VPS53: variants seen among roughly 807,000 people sequenced by gnomAD.
VPS53 encodes vacuolar protein sorting-associated protein 53 homolog.
Under a neutral mutation model 107.0 loss-of-function variants are expected in VPS53, and 70 were observed. That is an observed-to-expected ratio of 0.65 (90% CI 0.54 to 0.80). The LOEUF (loss-of-function observed/expected upper bound fraction) is 0.80. Among genes scored for constraint, VPS53 ranks in the 30% least tolerant of loss-of-function variants. The pLI, the probability that VPS53 is intolerant of heterozygous loss-of-function variation, is 0.00. For synonymous variants in VPS53, 409 were observed against 393.3 expected, an observed-to-expected ratio of 1.04 and a Z score of -0.47; for missense variants, 917 against 1,049.4, an observed-to-expected ratio of 0.87 and a Z score of 1.74.
At chr17:547,289 C>A (rs114240759) in intron 17 of VPS53, among the ~76,000 whole-genome samples, 3 of 152,148 alleles carry the variant, frequency 2.0e-5, no homozygotes, top group Non-Finnish European at 4.4e-5. Flanking sequence ...GTCCAATAGA[C>A]GAATGAATAA....
intron 6 of VPS53, among the ~76,000 whole-genome samples, chr17:654,117 C>G (rs547221525): frequency 2.0e-5 from 3 of 152,152 alleles, no homozygotes; most frequent in Non-Finnish European, 4.4e-5. Flanking sequence ...CTCACTTGAA[C>G]CTGGGAGGCG....
rs1300815816 is a variant in VPS53 at position 512,256 on chromosome 17, C to T, written c.*6872G>A. 1 of 152,236 alleles carries T rather than the reference C, an allele frequency of 6.6e-6. No homozygotes were observed. The highest frequency in any genetic ancestry group is 2.4e-5 in the African/African-American group (1 of 41,454). 9.4% of individuals were successfully genotyped at this position (152,236 alleles called of 1,614,324 possible). A position where few individuals can be genotyped will look rare whatever the true frequency, so the allele number is the denominator to read the frequency against. On this transcript the variant is annotated 3_prime_UTR_variant, in exon 22 of 22. Transcript: ENST00000437048. ...GTGATCACGAACACACTTCACACTGCCTTATGGCAGAGCAAGTGCATATAG... is the reference window on the plus strand; with the variant it reads ...GTGATCACGAACACACTTCACACTGTCTTATGGCAGAGCAAGTGCATATAG...
intron 5 of VPS53, among the ~76,000 whole-genome samples, chr17:659,337 G>A (rs1020193617): frequency 2.0e-5 from 3 of 152,282 alleles, no homozygotes; most frequent in Middle Eastern, 3.4e-3. Flanking sequence ...AGGCTGTACT[G>A]CAGTAGTGCG....
At position 519,863 on chromosome 17, in the gene VPS53, C is replaced by T. The variant is rs1197784403; in HGVS notation, c.2291G>A (p.Cys764Tyr). Reference sequence around the variant, plus strand: ...TATCTTCTGAAAGGTTTCTGTGTTGCAGTCTGTGAGAAGTTTGATGTAGTT... The same window carrying T: ...TATCTTCTGAAAGGTTTCTGTGTTGTAGTCTGTGAGAAGTTTGATGTAGTT... ...VDNYIKLLTD[C>Y]NTETFQKILD... The change falls in exon 21 of 22, where the codon TGC (cysteine) becomes TAC (tyrosine). Residue 764 changes from cysteine (C) to tyrosine (Y), a missense_variant. Transcript: ENST00000437048. The surrounding 1 kb of genome is among the most constrained non-coding windows in gnomAD (Gnocchi z 5.0). 25 of 1,551,598 alleles carry T rather than the reference C, an allele frequency of 1.6e-5. No individual in the cohort carries two copies. Among genetic ancestry groups the T allele is most frequent in the Non-Finnish European group, 2.2e-5 (25 of 1,146,992 alleles).
chr17:521,764 C>A (rs555539338), intron 19 of VPS53, 26 bp from the exon 20 acceptor site: 1 of 1,486,784 alleles, frequency 6.7e-7, no homozygotes, highest in Non-Finnish European at 9.1e-7. Flanking sequence ...GAGAGCATTA[C>A]CGGCCCCTTC....
intron 16 of VPS53, 78 bp downstream of exon 16, chr17:553,302 G>T: frequency 7.3e-7 from 1 of 1,376,782 alleles, no homozygotes; most frequent in Non-Finnish European, 1.0e-6. Context: ...GCAAGCGTGT[G>T]CAGGGTACAT....
chr17:539,432 TAAA>T (rs1478634871), intron 17 of VPS53, among the ~76,000 whole-genome samples: 2 of 152,224 alleles, frequency 1.3e-5, no homozygotes, highest in African/African-American at 4.8e-5. Context: ...TTGGTCAAGC[TAAA>T]AGAAGTATTA....
At chr17:643,038 C>A (rs1349961497) in intron 7 of VPS53, among the ~76,000 whole-genome samples, 1 of 131,136 alleles carries the variant, frequency 7.6e-6, no homozygotes, top group African/African-American at 2.6e-5. Flanking sequence ...GAGGACAACA[C>A]TCATACTTGG....
chr17:539,332 T>C (rs1033665558), intron 17 of VPS53: 1 of 152,220 alleles, frequency 6.6e-6, no homozygotes, highest in Non-Finnish European at 1.5e-5. Flanking sequence ...CTCCTCTTGA[T>C]GATCACTGGC....
intron 4 of VPS53, among the ~76,000 whole-genome samples, chr17:680,005 T>C (rs553367745): frequency 1.3e-5 from 2 of 151,904 alleles, no homozygotes; most frequent in Non-Finnish European, 2.9e-5. Flanking sequence ...AAAATTTAGC[T>C]GGGCATGGCT....
chr17:631,419 A>C (rs1969954841), intron 8 of VPS53, 131 bp downstream of exon 8: 4 of 941,390 alleles, frequency 4.2e-6, no homozygotes, highest in Non-Finnish European at 6.8e-6. Flanking sequence ...CATTACCCTG[A>C]ACCTGCAGCA....
rs573762039 is a variant in VPS53 at position 509,713 on chromosome 17, C to T, written c.*9415G>A. ...ATCCTGGCTCGCCCCTCACTGGTCA[C>T]GTATTGAATCCTGGCTCACCCCTCA... On this transcript the variant is annotated 3_prime_UTR_variant, in exon 22 of 22. Transcript: ENST00000437048. 19 of 157,706 alleles carry T rather than the reference C, an allele frequency of 1.2e-4. No homozygotes were observed. The highest frequency in any genetic ancestry group is 3.4e-4 in the African/African-American group (13 of 38,182). 9.8% of individuals were successfully genotyped at this position (157,706 alleles called of 1,614,324 possible). A position where few individuals can be genotyped will look rare whatever the true frequency, so the allele number is the denominator to read the frequency against.
At chr17:575,918 C>T (rs1283899120) in intron 13 of VPS53, among the ~76,000 whole-genome samples, 5 of 151,382 alleles carry the variant, frequency 3.3e-5, no homozygotes, top group African/African-American at 9.7e-5. Flanking sequence ...GACCCTAATG[C>T]GTTCCCAGAG....
intron 7 of VPS53, among the ~76,000 whole-genome samples, chr17:652,468 C>T (rs187777848): frequency 1.1e-3 from 161 of 152,244 alleles, no homozygotes; most frequent in Non-Finnish European, 1.8e-3. Context: ...ATGAAATTTC[C>T]AAGGCTTGGT....
At chr17:610,978 G>A (rs1427589399) in intron 11 of VPS53, among the ~76,000 whole-genome samples, 1 of 151,644 alleles carries the variant, frequency 6.6e-6, no homozygotes, top group Non-Finnish European at 1.5e-5. Context: ...TCTAGAATGT[G>A]TAAACAACTC....
rs72477040 is a variant in VPS53, at chr17:605,408, G to C, written c.1117-3512C>G. The stretch of plus-strand genomic sequence containing the variant: ...CCCAAGGAAGGGTGTTCTCAGCAGG[G>C]AGACCCGGTGGAGACGCTGGAAAGC... On this transcript the variant is annotated intron_variant, in intron 11 of 21. Transcript: ENST00000437048. Among the ~76,000 whole-genome samples, 314 of 152,266 alleles carry C rather than the reference G, an allele frequency of 2.1e-3. 8 individuals carry two copies. In the East Asian group the frequency reaches 0.055, roughly 27 times the overall value.
rs749464086 is a variant in VPS53 at position 537,085 on chromosome 17, C to T, written c.1958G>A (p.Arg653His). 35 of 1,614,072 alleles carry T rather than the reference C, an allele frequency of 2.2e-5. 2 individuals carry two copies. The highest frequency in any genetic ancestry group is 1.6e-4 in the Middle Eastern group (1 of 6,084). The part of the protein sequence containing the change: ...LHIKQNVPII[R>H]DNLASTRKYF... ...CTTGCGTGTGGAAGCCAGGTTGTCA[C>T]GGATGATGGGGACGTTCTGCTTGAT... The change falls in exon 18 of 22, where the codon CGT becomes CAT. Residue 653 changes from arginine (R) to histidine (H), a missense_variant. Coordinates refer to ENST00000437048, the MANE Select transcript of VPS53 (RefSeq NM_001128159.3).
intron 4 of VPS53, among the ~76,000 whole-genome samples, chr17:667,090 C>CCACGTCTGCCACCTGTTTTTGTAAA (rs1971721977): frequency 1.3e-5 from 2 of 152,188 alleles, no homozygotes; most frequent in Non-Finnish European, 2.9e-5. Context: ...AGCCAGTCTG[C>CCACGTCTGCCACCTGTTTTTGTAAA]CACGTCTGCC....
chr17:686,617 A>G (rs1972595590), intron 4 of VPS53, among the ~76,000 whole-genome samples: 1 of 152,172 alleles, frequency 6.6e-6, no homozygotes, highest in African/African-American at 2.4e-5. Flanking sequence ...TGAAGGCAGT[A>G]AGGGGCCTGG....
Sources: gnomAD v4.1 joint callset for allele counts (sites outside exome capture counted in the v4.1 genomes callset) on GRCh38, gnomAD v4.1.1 for gene constraint, Gnocchi (gnomAD v3.1) non-coding constraint, MANE v1.5 for transcripts, NCBI Gene and HGNC (gene_info 2026-07-23, HGNC 2026-07-21) for gene names.